CAP2: variants seen among roughly 807,000 people sequenced by gnomAD.
CAP2 encodes cyclase associated actin cytoskeleton regulatory protein 2.
CAP2 carries 24 observed loss-of-function variants against 57.7 expected under a neutral mutation model. The observed-to-expected ratio is 0.42, with a 90% CI of 0.30 to 0.58. The LOEUF (loss-of-function observed/expected upper bound fraction) is 0.58. Among genes scored for constraint, CAP2 ranks in the 20% least tolerant of loss-of-function variants. The pLI, the probability that CAP2 is intolerant of heterozygous loss-of-function variation, is 0.22. For missense variants in CAP2, 501 were observed against 590.3 expected (o/e 0.85, Z 1.57); for synonymous variants, 194 against 207.2 (o/e 0.94, Z 0.55).
At chr6:17,494,823 T>C (rs1187149697) in intron 4 of CAP2, among the ~76,000 whole-genome samples, 4 of 152,180 alleles carry the variant, frequency 2.6e-5, no homozygotes, top group Non-Finnish European at 4.4e-5. Flanking sequence ...TCCAAATCAG[T>C]TGGAGTGCCT....
At position 17,517,680 on chromosome 6, in the gene CAP2, C is replaced by A. The variant is rs529321690; in HGVS notation, c.636+3726C>A. ...CTTTGGAAGGCTGAGGCAGGTGGAT[C>A]ACCTGTGGTCAGGAGTTTGAGACCA... On this transcript the variant is annotated intron_variant, in intron 7 of 12. Coordinates refer to ENST00000229922, the MANE Select transcript of CAP2 (RefSeq NM_006366.3). Among the ~76,000 whole-genome samples the A allele has an allele frequency of 3.7e-4, 57 of 152,224 alleles. 2 individuals carry two copies. In the South Asian group the frequency reaches 0.012, roughly 32 times the overall value.
intron 4 of CAP2, among the ~76,000 whole-genome samples, chr6:17,475,669 G>C (rs1336885560): frequency 6.6e-6 from 1 of 152,182 alleles, no homozygotes; most frequent in Non-Finnish European, 1.5e-5. Context: ...ATTCACATGG[G>C]CTGTGGAGAT....
At chr6:17,531,618 T>G in intron 7 of CAP2, 1 of 1,332,750 alleles carries the variant, frequency 7.5e-7, no homozygotes, top group South Asian at 1.2e-5. Flanking sequence ...ACCTTCTTCT[T>G]CTCTTCTACA....
At chr6:17,412,418 G>C (rs973451729) in intron 1 of CAP2, among the ~76,000 whole-genome samples, 3 of 152,184 alleles carry the variant, frequency 2.0e-5, no homozygotes, top group African/African-American at 7.2e-5. Context: ...GGAAAACTGA[G>C]ACTCAGACAG....
chr6:17,436,082 T>TTCCTTCCTTCCTTCCTTCC lies in CAP2; in HGVS notation c.222+9393_222+9394insCCTTCCTTCCTTCCTTCCT, dbSNP rs1561782653. ...AAACTAAGGAATCTTTCTTTCTTTCTTTCTTTCCTTCCTTCCTTCCTTCCT... is the reference window on the plus strand; with the variant it reads ...AAACTAAGGAATCTTTCTTTCTTTCTTCCTTCCTTCCTTCCTTCCTTCTTTCCTTCCTTCCTTCCTTCCT... On this transcript the variant is annotated intron_variant, in intron 3 of 12. Coordinates refer to ENST00000229922, the MANE Select transcript of CAP2 (RefSeq NM_006366.3). 6.7e-3 allele frequency among the ~76,000 whole-genome samples: 516 copies of TTCCTTCCTTCCTTCCTTCC among 77,374 alleles called. 5 individuals are homozygous for TTCCTTCCTTCCTTCCTTCC. Among genetic ancestry groups the TTCCTTCCTTCCTTCCTTCC allele is most frequent in the African/African-American group, 0.025 (482 of 19,122 alleles). The allele number at this position is 77,374 out of a possible 152,430, so 50.8% of individuals were successfully genotyped here.
rs1760933475 is a variant in CAP2, at chr6:17,468,601, G to T, written c.300+5528G>T. 3.9e-5 allele frequency among the ~76,000 whole-genome samples: 6 copies of T among 152,112 alleles called. No individual in the cohort carries two copies. In the South Asian group the frequency reaches 1.2e-3, roughly 32 times the overall value. Reference sequence around the variant, plus strand: ...TTTGCAAAGCATCTCAGCTTTTCTTGTCTCCCCTTGTTGTATTTTACATAA... The same window carrying T: ...TTTGCAAAGCATCTCAGCTTTTCTTTTCTCCCCTTGTTGTATTTTACATAA... On this transcript the variant is annotated intron_variant, in intron 4 of 12. Coordinates refer to ENST00000229922, the MANE Select transcript of CAP2 (RefSeq NM_006366.3).
chr6:17,414,873 A>G (rs1331227493), intron 1 of CAP2, among the ~76,000 whole-genome samples: 2 of 152,186 alleles, frequency 1.3e-5, no homozygotes, highest in African/African-American at 2.4e-5. Flanking sequence ...TCCCACCAAC[A>G]GCGTAAAAGT....
chr6:17,495,316 A>G (rs1008085207), intron 4 of CAP2, among the ~76,000 whole-genome samples: 3 of 152,208 alleles, frequency 2.0e-5, no homozygotes, highest in Non-Finnish European at 2.9e-5. Flanking sequence ...ATAAATGAAG[A>G]AACAAATGAA....
At chr6:17,433,450 C>T (rs1759795286) in intron 3 of CAP2, among the ~76,000 whole-genome samples, 1 of 152,196 alleles carries the variant, frequency 6.6e-6, no homozygotes, top group South Asian at 2.1e-4. Context: ...AGCAAGACCG[C>T]ACTGACCTGC....
At chr6:17,523,373 T>G (rs1209337949) in intron 7 of CAP2, among the ~76,000 whole-genome samples, 1 of 152,068 alleles carries the variant, frequency 6.6e-6, no homozygotes, top group Admixed American at 6.6e-5. Flanking sequence ...TTCACTGCAT[T>G]GTGTTTGAGG....
intron 3 of CAP2, 130 bp downstream of exon 3, chr6:17,426,820 TA>T: frequency 1.5e-6 from 1 of 662,394 alleles, no homozygotes; most frequent in South Asian, 1.8e-5. Flanking sequence ...AGATGGTGGC[TA>T]AAACATTCAT....
chr6:17,423,653 C>T (rs1453635306), intron 2 of CAP2, among the ~76,000 whole-genome samples: 4 of 151,990 alleles, frequency 2.6e-5, no homozygotes. Context: ...ATTTGAACCT[C>T]ACTTACTCAA....
chr6:17,468,548 C>G (rs1760932805), intron 4 of CAP2, among the ~76,000 whole-genome samples: 1 of 152,242 alleles, frequency 6.6e-6, no homozygotes, highest in Admixed American at 6.5e-5. Flanking sequence ...TTATTACATG[C>G]TCATGACACA....
chr6:17,544,042 T>C (rs964083126), intron 11 of CAP2, among the ~76,000 whole-genome samples: 7 of 150,932 alleles, frequency 4.6e-5, no homozygotes, highest in Non-Finnish European at 7.4e-5. Flanking sequence ...GGAGAATCAC[T>C]TGAACCTGGG....
Position 17,435,723 on chromosome 6 carries a change from AAAAAAAAAAC to A in CAP2, c.222+9043_222+9052del, listed in dbSNP as rs1561782490. On this transcript the variant is annotated intron_variant, in intron 3 of 12. Coordinates refer to ENST00000229922, the MANE Select transcript of CAP2 (RefSeq NM_006366.3). The stretch of plus-strand genomic sequence containing the variant: ...AAAAAAAGAAGTTTACGGATAAAAA[AAAAAAAAAAC>A]AAAAAAAAAACAATATATTCTAGAG... Among the ~76,000 whole-genome samples, 5 of 148,356 alleles carry A rather than the reference AAAAAAAAAAC, an allele frequency of 3.4e-5. 1 individual carries two copies. The highest frequency in any genetic ancestry group is 1.3e-4 in the African/African-American group (5 of 39,084).
chr6:17,529,416 C>T (rs553686613), intron 7 of CAP2, among the ~76,000 whole-genome samples: 18 of 151,804 alleles, frequency 1.2e-4, no homozygotes, highest in South Asian at 4.2e-4. Context: ...CCAAGGCAGG[C>T]GGATCACGAG....
chr6:17,400,016 T>A (rs1379666126), intron 1 of CAP2, among the ~76,000 whole-genome samples: 2 of 151,330 alleles, frequency 1.3e-5, no homozygotes, highest in African/African-American at 4.9e-5. Flanking sequence ...GTCAGGAGAT[T>A]GAGACCATGC....
intron 11 of CAP2, among the ~76,000 whole-genome samples, chr6:17,543,433 C>T (rs1352169759): frequency 6.6e-6 from 1 of 151,864 alleles, no homozygotes; most frequent in Admixed American, 6.6e-5. Flanking sequence ...CTGGCTAACA[C>T]AGTGAAACCC....
intron 3 of CAP2, among the ~76,000 whole-genome samples, chr6:17,444,601 A>C (rs1760196130): frequency 6.9e-6 from 1 of 144,526 alleles, no homozygotes; most frequent in African/African-American, 2.6e-5. Context: ...AGATCGCGCC[A>C]CTGCACTCCA....
Sources: gnomAD v4.1 joint callset for allele counts (sites outside exome capture counted in the v4.1 genomes callset) on GRCh38, gnomAD v4.1.1 for gene constraint, MANE v1.5 for transcripts, NCBI Gene and HGNC (gene_info 2026-07-23, HGNC 2026-07-21) for gene names.